RIMS1: variants seen among roughly 807,000 people sequenced by gnomAD.
The protein encoded by RIMS1 is regulating synaptic membrane exocytosis 1.
In RIMS1, 83 loss-of-function variants were observed where a neutral mutation model predicts 214.1. That is an observed-to-expected ratio of 0.39 (90% confidence interval 0.32 to 0.47). The LOEUF (loss-of-function observed/expected upper bound fraction) is 0.47, where lower values mean the gene tolerates loss of function less well. RIMS1 is among the 20% of genes least tolerant of loss of function. The pLI, the probability that RIMS1 is intolerant of heterozygous loss-of-function variation, is 0.99. For synonymous variants in RIMS1, 793 were observed against 786.8 expected (o/e 1.01, Z -0.13); for missense variants, 2,050 against 2,161.8 (o/e 0.95, Z 1.03).
intron 3 of RIMS1, 69 bp from the exon 4 acceptor site, chr6:72,099,906 T>C (rs1193467057): frequency 5.6e-6 from 7 of 1,252,744 alleles, no homozygotes; most frequent in Non-Finnish European, 7.0e-6. Context: ...TATTAATACA[T>C]GGCTCAATTT....
rs1368833783 is a variant in RIMS1, at chr6:72,120,566, G to A, written c.471+20580G>A. Among the ~76,000 whole-genome samples, 2 of 151,980 alleles carry A rather than the reference G, an allele frequency of 1.3e-5. 1 individual carries two copies. Among genetic ancestry groups the A allele is most frequent in the Non-Finnish European group, 2.9e-5 (2 of 67,894 alleles). On this transcript the variant is annotated intron_variant, in intron 4 of 33. Transcript: ENST00000521978. ...TTCTGGATATAGCCCTTTGGCAGAT[G>A]GGTAGATTGCAAAAATTTTCTCCCA...
At chr6:72,227,700 A>G (rs1241393592) in intron 6 of RIMS1, among the ~76,000 whole-genome samples, 2 of 152,130 alleles carry the variant, frequency 1.3e-5, no homozygotes, top group East Asian at 3.9e-4. Flanking sequence ...CAGGGCTTCA[A>G]ACAAATATTT....
chr6:72,327,668 CA>C (rs1223572272), intron 28 of RIMS1, among the ~76,000 whole-genome samples: 1 of 151,732 alleles, frequency 6.6e-6, no homozygotes, highest in Non-Finnish European at 1.5e-5. Context: ...TAATTCTAGT[CA>C]ACCTTTGTTA....
intron 4 of RIMS1, among the ~76,000 whole-genome samples, chr6:72,169,537 A>G (rs2046734530): frequency 1.0e-5 from 1 of 97,844 alleles, no homozygotes; most frequent in African/African-American, 4.8e-5. Context: ...TGAATTTTAG[A>G]AACCAAAAAT....
chr6:72,350,687 ACT>A (rs1411688786), intron 29 of RIMS1, among the ~76,000 whole-genome samples: 4 of 152,188 alleles, frequency 2.6e-5, no homozygotes, highest in Admixed American at 2.6e-4. Flanking sequence ...GGCACTGAGC[ACT>A]CTTTATGGTA....
chr6:72,296,208 TA>T (rs1003587666), intron 26 of RIMS1, among the ~76,000 whole-genome samples: 22 of 151,990 alleles, frequency 1.4e-4, no homozygotes, highest in African/African-American at 5.3e-4. Flanking sequence ...AATGTTTTTT[TA>T]AAAATTTATT....
At chr6:72,189,775 C>G (rs1056339241) in intron 6 of RIMS1, among the ~76,000 whole-genome samples, 5 of 152,338 alleles carry the variant, frequency 3.3e-5, no homozygotes, top group Admixed American at 3.3e-4. Context: ...GTTCATGGGC[C>G]CATTGGGCGA....
chr6:72,223,496 A>C (rs1462758506), intron 6 of RIMS1, among the ~76,000 whole-genome samples: 1 of 152,220 alleles, frequency 6.6e-6, no homozygotes, highest in Non-Finnish European at 1.5e-5. Context: ...GTAGCTGCGA[A>C]AATGTAAAAA....
At chr6:72,269,457 T>G (rs943872600) in intron 22 of RIMS1, among the ~76,000 whole-genome samples, 3 of 152,182 alleles carry the variant, frequency 2.0e-5, no homozygotes, top group African/African-American at 7.2e-5. Flanking sequence ...CTCCAATACA[T>G]ATGAAGACAA....
chr6:72,342,107 C>T (rs1158011554), intron 29 of RIMS1, among the ~76,000 whole-genome samples: 5 of 151,720 alleles, frequency 3.3e-5, no homozygotes, highest in Admixed American at 2.0e-4. Context: ...CCTTCAAGAC[C>T]CTGTTTAAGA....
intron 22 of RIMS1, among the ~76,000 whole-genome samples, chr6:72,273,488 GA>G (rs2084509580): frequency 6.6e-6 from 1 of 152,024 alleles, no homozygotes. Flanking sequence ...CTAGATGTTT[GA>G]AATTTGTGTC....
At chr6:71,982,596 G>A (rs1798783235) in intron 2 of RIMS1, among the ~76,000 whole-genome samples, 1 of 152,068 alleles carries the variant, frequency 6.6e-6, no homozygotes, top group African/African-American at 2.4e-5. Context: ...GGAAACCCCT[G>A]AGTCATCTTC....
At chr6:72,389,839 T>G (rs2098673962) in intron 29 of RIMS1, among the ~76,000 whole-genome samples, 1 of 152,164 alleles carries the variant, frequency 6.6e-6, no homozygotes, top group South Asian at 2.1e-4. Context: ...TTAGTGCATT[T>G]CAAAGTGGCT....
chr6:72,368,813 A>C (rs2038290644), intron 29 of RIMS1, among the ~76,000 whole-genome samples: 1 of 152,122 alleles, frequency 6.6e-6, no homozygotes, highest in African/African-American at 2.4e-5. Context: ...ATTTACAGGG[A>C]AAATAATATA....
chr6:72,120,720 C>T lies in RIMS1; in HGVS notation c.471+20734C>T, dbSNP rs576778567. ...GCTTTTGGTGTTTTAGTCATGAAGT[C>T]CTTGCCCATGCCTATGTCCTGAATG... On this transcript the variant is annotated intron_variant, in intron 4 of 33. Coordinates refer to ENST00000521978, the MANE Select transcript of RIMS1 (RefSeq NM_014989.7). Among the ~76,000 whole-genome samples, 19 of 151,910 alleles carry T rather than the reference C, an allele frequency of 1.3e-4. 1 individual carries two copies. Among genetic ancestry groups the T allele is most frequent in the African/African-American group, 4.3e-4 (18 of 41,506 alleles).
intron 1 of RIMS1, among the ~76,000 whole-genome samples, chr6:71,903,923 C>G (rs980523961): frequency 3.9e-5 from 6 of 152,104 alleles, no homozygotes; most frequent in Non-Finnish European, 5.9e-5. Flanking sequence ...TATGCATGTA[C>G]ATATACACAA....
intron 3 of RIMS1, among the ~76,000 whole-genome samples, chr6:72,099,561 A>G (rs968743214): frequency 1.3e-5 from 2 of 152,170 alleles, no homozygotes; most frequent in Admixed American, 6.5e-5. Context: ...AATTGTGACT[A>G]TCAATATTTT....
At position 71,887,205 on chromosome 6, in the gene RIMS1, G is replaced by A. The variant is rs542773372; in HGVS notation, c.164+18G>A. The A allele has an allele frequency of 1.6e-5, 25 of 1,595,434 alleles. No homozygotes were observed. Among genetic ancestry groups the A allele is most frequent in the Non-Finnish European group, 1.9e-5 (22 of 1,171,298 alleles). On this transcript the variant is annotated intron_variant, in intron 1 of 33. Coordinates refer to ENST00000521978, the MANE Select transcript of RIMS1 (RefSeq NM_014989.7). Reference sequence around the variant, plus strand: ...ATGCTCAAGTAAGCCAGCCCCAGCCGCGCCATCCATGCCTCCGTGCCTCCA... The same window carrying A: ...ATGCTCAAGTAAGCCAGCCCCAGCCACGCCATCCATGCCTCCGTGCCTCCA...
rs574411860 is a variant in RIMS1 at position 72,331,943 on chromosome 6, C to T, written c.4131-1657C>T. Among the ~76,000 whole-genome samples, 4 of 151,864 alleles carry T rather than the reference C, an allele frequency of 2.6e-5. No homozygotes were observed. The East Asian group carries it at 5.8e-4, about 22-fold the overall frequency. ...AGTAGAGGTCTCAATTTTCAATTCACAATCCATGAAGGATCCTAAGGACCA... is the reference window on the plus strand; with the variant it reads ...AGTAGAGGTCTCAATTTTCAATTCATAATCCATGAAGGATCCTAAGGACCA... On this transcript the variant is annotated intron_variant, in intron 28 of 33. Transcript: ENST00000521978.
Sources: gnomAD v4.1 joint callset for allele counts (sites outside exome capture counted in the v4.1 genomes callset) on GRCh38, gnomAD v4.1.1 for gene constraint, MANE v1.5 for transcripts, NCBI Gene and HGNC (gene_info 2026-07-23, HGNC 2026-07-21) for gene names.